SH3KBP1: variants seen among roughly 807,000 people sequenced by gnomAD.
The protein encoded by SH3KBP1 is SH3 domain-containing kinase-binding protein 1.
SH3KBP1 carries 8 observed loss-of-function variants against 50.1 expected under a neutral mutation model. That is an observed-to-expected ratio of 0.16 (90% CI 0.09 to 0.29). The LOEUF (loss-of-function observed/expected upper bound fraction) is 0.29, where lower values mean the gene tolerates loss of function less well. SH3KBP1 is among the 10% of genes least tolerant of loss of function. The probability of loss-of-function intolerance (pLI) is 1.00; values close to 1 mark genes in which losing one functional copy is unlikely to be tolerated. For synonymous variants in SH3KBP1, 227 were observed against 218.6 expected (o/e 1.04, Z -0.34); for missense variants, 377 against 535.2 (o/e 0.70, Z 2.92).
intron 1 of SH3KBP1, among the ~76,000 whole-genome samples, chrX:19,855,473 G>A (rs950718524): frequency 8.9e-6 from 1 of 112,330 alleles, no homozygotes; most frequent in Admixed American, 9.4e-5. Flanking sequence ...TTAGCTGTAG[G>A]CTATAGTTTG....
At chrX:19,873,706 A>T (rs1427471477) in intron 1 of SH3KBP1, among the ~76,000 whole-genome samples, 1 of 108,459 alleles carries the variant, frequency 9.2e-6, no homozygotes, top group East Asian at 2.9e-4. Context: ...AAACCTAAAA[A>T]GAAATACACC....
chrX:19,633,366 T>G (rs1304872195), intron 7 of SH3KBP1, among the ~76,000 whole-genome samples: 3 of 112,078 alleles, frequency 2.7e-5, no homozygotes, highest in Non-Finnish European at 5.6e-5. Context: ...TGAGGGGCAA[T>G]AGTTCTAAAT....
intron 13 of SH3KBP1, among the ~76,000 whole-genome samples, chrX:19,564,318 A>C (rs898275396): frequency 8.9e-6 from 1 of 112,054 alleles, no homozygotes; most frequent in Non-Finnish European, 1.9e-5. Flanking sequence ...CGCTATTACA[A>C]TTGCTCTCTC....
chrX:19,538,551 A>G (rs997571890), intron 16 of SH3KBP1, among the ~76,000 whole-genome samples: 3 of 101,606 alleles, frequency 3.0e-5, no homozygotes, highest in African/African-American at 1.1e-4. Context: ...CACTCCATAT[A>G]TATTTCCTTT....
chrX:19,542,195 TG>T lies in SH3KBP1; in HGVS notation c.1624-3del, dbSNP rs763838645. 3.4e-6 allele frequency: 4 copies of T among 1,167,190 alleles called. No individual in the cohort carries two copies. Among genetic ancestry groups the T allele is most frequent in the Non-Finnish European group, 4.6e-6 (4 of 873,708 alleles). On this transcript the variant is annotated splice_region_variant and splice_polypyrimidine_tract_variant and intron_variant, in intron 15 of 17. Transcript: ENST00000397821. ...CAGGGATGCTTTGTTGTCAGACACC[TG>T]TGACGAGGGAAGGCAGGGAGGGTTC...
intron 8 of SH3KBP1, among the ~76,000 whole-genome samples, chrX:19,609,463 C>A (rs563126176): frequency 8.9e-6 from 1 of 112,072 alleles, no homozygotes; most frequent in East Asian, 2.8e-4. Context: ...TCAACAACTT[C>A]CAGCTGAAGC....
chrX:19,839,902 C>A (rs1314089257), intron 1 of SH3KBP1, among the ~76,000 whole-genome samples: 1 of 112,197 alleles, frequency 8.9e-6, no homozygotes, highest in African/African-American at 3.2e-5. Flanking sequence ...ACTCAGCTTG[C>A]ATTTTATGAT....
intron 1 of SH3KBP1, among the ~76,000 whole-genome samples, chrX:19,869,434 G>A (rs1434299674): frequency 8.9e-6 from 1 of 111,791 alleles, no homozygotes; most frequent in Non-Finnish European, 1.9e-5. Flanking sequence ...TGTCCTTAAC[G>A]AAGAGAAGCT....
chrX:19,770,291 T>C (rs1244897357), intron 2 of SH3KBP1, among the ~76,000 whole-genome samples: 2 of 111,784 alleles, frequency 1.8e-5, no homozygotes, highest in Non-Finnish European at 1.9e-5. Flanking sequence ...GAACATGCGG[T>C]ATTTGGTTTT....
chrX:19,879,760 A>T (rs1031320544), intron 1 of SH3KBP1, among the ~76,000 whole-genome samples: 3 of 112,985 alleles, frequency 2.7e-5, no homozygotes, highest in African/African-American at 9.7e-5. Context: ...GTTCGTGCAT[A>T]AAACGAAGAC....
At chrX:19,596,582 C>T (rs1383500912) in intron 9 of SH3KBP1, among the ~76,000 whole-genome samples, 1 of 111,766 alleles carries the variant, frequency 8.9e-6, no homozygotes, top group Non-Finnish European at 1.9e-5. Flanking sequence ...CTGTATCATG[C>T]GATGCTGTTT....
intron 1 of SH3KBP1, among the ~76,000 whole-genome samples, chrX:19,881,664 G>A (rs1488918667): frequency 9.0e-6 from 1 of 111,435 alleles, no homozygotes; most frequent in East Asian, 2.8e-4. Context: ...CAAGACTGGG[G>A]ACAGATGTGG....
chrX:19,713,561 C>CAA (rs781185511), intron 3 of SH3KBP1, among the ~76,000 whole-genome samples: 4 of 96,284 alleles, frequency 4.2e-5, no homozygotes, highest in African/African-American at 1.5e-4. Flanking sequence ...CACACCTAGC[C>CAA]AAAAAAAAAA....
chrX:19,670,896 CAG>C, intron 6 of SH3KBP1: 1 of 1,171,690 alleles, frequency 8.5e-7, no homozygotes, highest in Non-Finnish European at 1.1e-6. Flanking sequence ...CTCCTCTCTT[CAG>C]TTTGAAAAGG....
intron 15 of SH3KBP1, among the ~76,000 whole-genome samples, chrX:19,543,807 AG>A (rs1211811802): frequency 6.3e-5 from 7 of 111,145 alleles, no homozygotes; most frequent in Non-Finnish European, 1.3e-4. Context: ...GGAGGCCAGG[AG>A]GGCCGAGGAA....
At chrX:19,853,233 T>A (rs1341158066) in intron 1 of SH3KBP1, among the ~76,000 whole-genome samples, 2 of 112,381 alleles carry the variant, frequency 1.8e-5, no homozygotes, top group African/African-American at 6.5e-5. Flanking sequence ...TGGGTGACAA[T>A]GAGGACCACT....
intron 1 of SH3KBP1, among the ~76,000 whole-genome samples, chrX:19,842,092 G>C (rs1445844518): frequency 9.0e-6 from 1 of 111,717 alleles, no homozygotes; most frequent in African/African-American, 3.3e-5. Flanking sequence ...ACTGCAGATG[G>C]GTATGAAGAA....
intron 8 of SH3KBP1, among the ~76,000 whole-genome samples, chrX:19,609,096 G>A (rs2067331390): frequency 8.9e-6 from 1 of 112,850 alleles, no homozygotes; most frequent in Non-Finnish European, 1.9e-5. Flanking sequence ...CCTTTCTCAT[G>A]AGCCTAATGG....
At chrX:19,725,142 G>T (rs1208961006) in intron 3 of SH3KBP1, among the ~76,000 whole-genome samples, 1 of 110,627 alleles carries the variant, frequency 9.0e-6, no homozygotes, top group Non-Finnish European at 1.9e-5. Context: ...GTGAAGGTTG[G>T]TAATGCCACC....
Sources: gnomAD v4.1 joint callset for allele counts (sites outside exome capture counted in the v4.1 genomes callset) on GRCh38, gnomAD v4.1.1 for gene constraint, MANE v1.5 for transcripts, NCBI Gene and HGNC (gene_info 2026-07-23, HGNC 2026-07-21) for gene names.